GRAMD2A: variants seen among roughly 807,000 people sequenced by gnomAD.
The protein encoded by GRAMD2A is GRAM domain-containing protein 2A.
Under a neutral mutation model 51.1 loss-of-function variants are expected in GRAMD2A, and 37 were observed. The ratio of observed to expected loss-of-function variants is 0.72; its 90% CI spans 0.56 to 0.95. The LOEUF (loss-of-function observed/expected upper bound fraction) is 0.95, where lower values mean the gene tolerates loss of function less well. GRAMD2A is among the 40% of genes least tolerant of loss of function. The pLI is 0.00. For missense variants in GRAMD2A, 414 were observed against 426.9 expected, an observed-to-expected ratio of 0.97 and a Z score of 0.27; for synonymous variants, 136 against 157.1, an observed-to-expected ratio of 0.87 and a Z score of 1.01.
Position 72,167,643 on chromosome 15 carries a change from G to A in GRAMD2A, c.372+93C>T, listed in dbSNP as rs541797828. On this transcript the variant is annotated intron_variant, in intron 5 of 11. Transcript: ENST00000309731. The stretch of plus-strand genomic sequence containing the variant: ...AGGGGCTTCACCCGGGGCCCAGCAC[G>A]CAGAGAGATAGGCATGACTTTGAGG... 33 of 968,660 alleles carry A rather than the reference G, an allele frequency of 3.4e-5. No homozygotes were observed. In the African/African-American group the frequency reaches 3.6e-4, roughly 10 times the overall value. 60.0% of individuals were successfully genotyped at this position (968,660 alleles called of 1,614,324 possible). A position where few individuals can be genotyped will look rare whatever the true frequency, so the allele number is the denominator to read the frequency against.
intron 1 of GRAMD2A, among the ~76,000 whole-genome samples, chr15:72,196,236 G>A (rs945153030): frequency 6.6e-6 from 1 of 152,182 alleles, no homozygotes. Flanking sequence ...GGCCAGGCAC[G>A]TGGCTCACAC....
In GRAMD2A at chr15:72,163,600, C is replaced by T. The variant is rs769498714; in HGVS notation, c.745+13G>A. The T allele has an allele frequency of 5.6e-6, 9 of 1,594,954 alleles. No homozygotes were observed. The Admixed American group carries it at 9.1e-5, about 16-fold the overall frequency. Reference sequence around the variant, plus strand: ...TGCAAGTAGTTGCCATGGACAAGCCCTCCCGAACTTACCAGACATTGGAGG... The same window carrying T: ...TGCAAGTAGTTGCCATGGACAAGCCTTCCCGAACTTACCAGACATTGGAGG... On this transcript the variant is annotated intron_variant, in intron 9 of 11. Transcript: ENST00000309731.
chr15:72,197,660 C>A, intron 1 of GRAMD2A, 71 bp downstream of exon 1: 1 of 1,203,874 alleles, frequency 8.3e-7, no homozygotes, highest in Non-Finnish European at 1.0e-6. Context: ...CCGTCCTGCC[C>A]CGCGCGGCAG....
intron 1 of GRAMD2A, among the ~76,000 whole-genome samples, chr15:72,179,597 T>C (rs1435138874): frequency 1.3e-5 from 2 of 152,200 alleles, no homozygotes; most frequent in South Asian, 4.1e-4. Context: ...CCTGCATTTG[T>C]GTCTCCACAA....
Position 72,161,280 on chromosome 15 carries a change from G to T in GRAMD2A, c.*729C>A, listed in dbSNP as rs1411988515. 6.6e-6 allele frequency: 1 copy of T among 152,516 alleles called. No individual in the cohort carries two copies. Among genetic ancestry groups the T allele is most frequent in the Non-Finnish European group, 1.5e-5 (1 of 68,266 alleles). The allele number at this position is 152,516 out of a possible 1,614,324, so 9.4% of individuals were successfully genotyped here. A position where few individuals can be genotyped will look rare whatever the true frequency, so the allele number is the denominator to read the frequency against. ...CCGGAAAGTGACAGCTGAGGACACA[G>T]AATTCAGGTACCTCTGTTCTTCACA... On this transcript the variant is annotated 3_prime_UTR_variant, in exon 12 of 12. Coordinates refer to ENST00000309731, the MANE Select transcript of GRAMD2A (RefSeq NM_001012642.3).
At chr15:72,185,236 C>G (rs1300775790) in intron 1 of GRAMD2A, among the ~76,000 whole-genome samples, 1 of 150,924 alleles carries the variant, frequency 6.6e-6, no homozygotes, top group Non-Finnish European at 1.5e-5. Flanking sequence ...CTCTGTTGCC[C>G]AGGCTAGAGT....
chr15:72,172,528 T>C (rs1334705585), intron 1 of GRAMD2A, among the ~76,000 whole-genome samples: 2 of 149,912 alleles, frequency 1.3e-5, no homozygotes, highest in African/African-American at 4.9e-5. Flanking sequence ...GTGATTCTCA[T>C]GCCTCAGCCT....
intron 1 of GRAMD2A, among the ~76,000 whole-genome samples, chr15:72,171,544 G>T (rs1481088772): frequency 1.3e-5 from 2 of 152,178 alleles, no homozygotes; most frequent in Non-Finnish European, 2.9e-5. Flanking sequence ...GATTGAGAAT[G>T]AACAGATGCT....
In GRAMD2A at chr15:72,161,653, C is replaced by G. The variant is rs1051556445; in HGVS notation, c.*356G>C. ...GCATGGCCTCTGTCCTTTGAGGTGGCCTCCAGTGTTCTGCCTGTGTGCCAG... is the reference window on the plus strand; with the variant it reads ...GCATGGCCTCTGTCCTTTGAGGTGGGCTCCAGTGTTCTGCCTGTGTGCCAG... On this transcript the variant is annotated 3_prime_UTR_variant, in exon 12 of 12. Transcript: ENST00000309731. The G allele has an allele frequency of 7.6e-5, 24 of 316,282 alleles. No homozygotes were observed. The Admixed American group carries it at 1.1e-3, about 14-fold the overall frequency. The allele number at this position is 316,282 out of a possible 1,614,324, so 19.6% of individuals were successfully genotyped here.
At chr15:72,195,389 T>C (rs1474791085) in intron 1 of GRAMD2A, among the ~76,000 whole-genome samples, 1 of 152,154 alleles carries the variant, frequency 6.6e-6, no homozygotes, top group Non-Finnish European at 1.5e-5. Flanking sequence ...CTGATAAACA[T>C]GGTCCGTGGC....
Position 72,162,014 on chromosome 15 carries a change from T to C in GRAMD2A, c.1062-2A>G. On this transcript the variant is annotated splice_acceptor_variant, in intron 11 of 11. Coordinates refer to ENST00000309731, the MANE Select transcript of GRAMD2A (RefSeq NM_001012642.3). LOFTEE classifies it high-confidence loss of function. ...GGACAAAGGCCAAGTGGCTGTTACC[T>C]GCACACAGGAAAGATGTCCACATCA... The C allele has an allele frequency of 6.2e-7, 1 of 1,614,140 alleles. No individual in the cohort carries two copies. The highest frequency in any genetic ancestry group is 8.5e-7 in the Non-Finnish European group (1 of 1,180,014).
In GRAMD2A at chr15:72,167,007, T is replaced by G. The variant is rs749411514; in HGVS notation, c.458A>C (p.Asn153Thr). Residue 153 changes from asparagine (N) to threonine (T), a missense_variant, in exon 6 of 12, where the codon AAC (asparagine) becomes ACC (threonine). By Grantham distance (65) the Asn-to-Thr change is moderately conservative (BLOSUM62 0). Transcript: ENST00000309731. ...CAGTGCACTGACCTTCTGGCTGGTG[T>G]TGGTGGTGATGGCCAGTCCATTGGG... ...LLPNGLAITT[N>T]TSQKYIFVSL... 1.7e-5 allele frequency: 28 copies of G among 1,613,540 alleles called. No homozygotes were observed. The highest frequency in any genetic ancestry group is 2.2e-5 in the Non-Finnish European group (26 of 1,179,654).
At position 72,194,133 on chromosome 15, in the gene GRAMD2A, A is replaced by G. The variant is rs547184413; in HGVS notation, c.41+3598T>C. Among the ~76,000 whole-genome samples, 52 of 152,384 alleles carry G rather than the reference A, an allele frequency of 3.4e-4. No homozygotes were observed. The South Asian group carries it at 0.011, about 31-fold the overall frequency. ...CCTGAAGTCCAGGTGAATAGCGCAC[A>G]GTGGCCAAGGCCGACCTCAAGTGAA... On this transcript the variant is annotated intron_variant, in intron 1 of 11. Transcript: ENST00000309731.
chr15:72,164,837 A>G (rs1213486979), intron 8 of GRAMD2A, among the ~76,000 whole-genome samples: 1 of 152,040 alleles, frequency 6.6e-6, no homozygotes, highest in African/African-American at 2.4e-5. Context: ...CTTCTGTTCT[A>G]CTCAGAAAGT....
intron 1 of GRAMD2A, among the ~76,000 whole-genome samples, chr15:72,178,799 C>T (rs1361193011): frequency 2.0e-5 from 3 of 151,978 alleles, no homozygotes; most frequent in African/African-American, 7.3e-5. Flanking sequence ...TGGTCTTGAT[C>T]TCCTGACCTT....
At chr15:72,177,914 G>A (rs1272477754) in intron 1 of GRAMD2A, among the ~76,000 whole-genome samples, 1 of 152,194 alleles carries the variant, frequency 6.6e-6, no homozygotes, top group South Asian at 2.1e-4. Flanking sequence ...TTTTAGCAGA[G>A]ACGGGGTTTC....
At chr15:72,168,707 G>C (rs2081576448) in intron 3 of GRAMD2A, 141 bp from the exon 4 acceptor site, 1 of 773,002 alleles carries the variant, frequency 1.3e-6, no homozygotes, top group Admixed American at 2.0e-5. Context: ...CAGCCAGTGA[G>C]TATGGAGGGC....
At chr15:72,180,166 C>A (rs996814507) in intron 1 of GRAMD2A, among the ~76,000 whole-genome samples, 1 of 152,220 alleles carries the variant, frequency 6.6e-6, no homozygotes, top group Non-Finnish European at 1.5e-5. Context: ...AACCGGGAAG[C>A]TTTCCTCCTG....
chr15:72,169,350 A>T (rs757772587), intron 2 of GRAMD2A: 2 of 453,874 alleles, frequency 4.4e-6, no homozygotes, highest in Middle Eastern at 6.6e-4. Context: ...AGGGGTAAGC[A>T]GGGGAGCAGG....
Sources: gnomAD v4.1 joint callset for allele counts (sites outside exome capture counted in the v4.1 genomes callset) on GRCh38, gnomAD v4.1.1 for gene constraint, MANE v1.5 for transcripts, NCBI Gene and HGNC (gene_info 2026-07-23, HGNC 2026-07-21) for gene names.